The following MAP4K2 variants were observed in gnomAD, a reference collection of about 807,000 sequenced individuals.
MAP4K2 encodes the protein B lymphocyte serine/threonine protein kinase.
A neutral mutation model predicts 125.3 loss-of-function variants in MAP4K2; 85 were observed. The ratio of observed to expected loss-of-function variants is 0.68; its 90% CI spans 0.57 to 0.81. The LOEUF is 0.81. MAP4K2 is among the 40% of genes least tolerant of loss of function. The probability of loss-of-function intolerance (pLI) is 0.00; values close to 1 mark genes in which losing one functional copy is unlikely to be tolerated. For synonymous variants in MAP4K2, 479 were observed against 445.1 expected (o/e 1.08, Z -0.96); for missense variants, 923 against 1,056.4 (o/e 0.87, Z 1.75).
chr11:64,797,689 G>A, intron 15 of MAP4K2, 25 bp from the exon 16 acceptor site: 2 of 1,447,342 alleles, frequency 1.4e-6, no homozygotes, highest in Non-Finnish European at 1.8e-6. Context: ...AAAGGGGTCA[G>A]AGGTCAACCT....
In MAP4K2 at chr11:64,803,144, C is replaced by A. The variant is rs752987120; in HGVS notation, c.6G>T (p.Ala2=). 3.0e-5 allele frequency: 44 copies of A among 1,464,368 alleles called. No individual in the cohort carries two copies. The Admixed American group carries it at 5.1e-4, about 17-fold the overall frequency. The allele number at this position is 1,464,368 out of a possible 1,614,324, so 90.7% of individuals were successfully genotyped here. The change falls in exon 1 of 32, where the codon GCG becomes GCT. Residue 2 remains alanine (A), a synonymous_variant. Transcript: ENST00000294066. M[A]LLRDVSLQDP... ...CCTGCAGCGACACATCCCGCAGCAG[C>A]GCCATGGCCCGGCGCCGGGCGGGCC...
At position 64,789,354 on chromosome 11, in the gene MAP4K2, A is replaced by T; in HGVS notation, c.*183T>A. ...CAGCTCCCCCTGGTCCAGTTATTGCAGAGGCGTCGGGGGCTCCCCTCCCTC... is the reference window on the plus strand; with the variant it reads ...CAGCTCCCCCTGGTCCAGTTATTGCTGAGGCGTCGGGGGCTCCCCTCCCTC... On this transcript the variant is annotated 3_prime_UTR_variant, in exon 32 of 32. Transcript: ENST00000294066. The T allele has an allele frequency of 1.7e-6, 1 of 601,372 alleles. No individual in the cohort carries two copies. The highest frequency in any genetic ancestry group is 1.9e-5 in the African/African-American group (1 of 53,838). 37.3% of individuals were successfully genotyped at this position (601,372 alleles called of 1,614,324 possible). A position where few individuals can be genotyped will look rare whatever the true frequency, so the allele number is the denominator to read the frequency against.
rs368626315 is a variant in MAP4K2, at chr11:64,801,745, G to C, written c.379C>G (p.Leu127Val). The C allele has an allele frequency of 2.5e-6, 4 of 1,613,426 alleles. No homozygotes were observed. The highest frequency in any genetic ancestry group is 8.5e-7 in the Non-Finnish European group (1 of 1,179,896). Residue 127 changes from leucine (L) to valine (V), a missense_variant, in exon 6 of 32, where the codon CTG becomes GTG. Physicochemically the swap from Leu to Val is conservative, Grantham distance 32. Transcript: ENST00000294066. ...CREALKGLHH[L>V]HSQGKIHRDI... ...CTGTGGATCTTCCCCTGAGAATGCA[G>C]GTGGTGGAGCCCCTGGCGACAAAGA...
At chr11:64,792,505 T>C (rs910196382) in intron 24 of MAP4K2, 83 bp from the exon 25 acceptor site, 1 of 1,113,242 alleles carries the variant, frequency 9.0e-7, no homozygotes, top group African/African-American at 1.6e-5. Context: ...GTGGGCACTA[T>C]CAGCTTCCCT....
chr11:64,786,625 C>T lies in MAP4K2; in HGVS notation c.*2912G>A, dbSNP rs533119422. The T allele has an allele frequency of 6.6e-6, 1 of 152,298 alleles. No individual in the cohort carries two copies. Among genetic ancestry groups the T allele is most frequent in the Non-Finnish European group, 1.5e-5 (1 of 68,032 alleles). The allele number at this position is 152,298 out of a possible 1,614,324, so 9.4% of individuals were successfully genotyped here. A position where few individuals can be genotyped will look rare whatever the true frequency, so the allele number is the denominator to read the frequency against. On this transcript the variant is annotated 3_prime_UTR_variant, in exon 32 of 32. Transcript: ENST00000294066. Reference sequence around the variant, plus strand: ...AATGACTTAAAGAGTCTGGTCTGACCCTCCCACAGGTTTCTGCCCATGGAG... The same window carrying T: ...AATGACTTAAAGAGTCTGGTCTGACTCTCCCACAGGTTTCTGCCCATGGAG...
In MAP4K2 at chr11:64,797,043, T is replaced by A. The variant is rs1940850663; in HGVS notation, c.1366-20A>T. ...TGACCTCTGGGAGGGAGGAAAGGAG[T>A]CAGGGCTGATATGACAGCTGTAGCC... On this transcript the variant is annotated intron_variant, in intron 19 of 31. Coordinates refer to ENST00000294066, the MANE Select transcript of MAP4K2 (RefSeq NM_004579.5). 1.9e-6 allele frequency: 3 copies of A among 1,613,308 alleles called. No individual in the cohort carries two copies. Among genetic ancestry groups the A allele is most frequent in the Non-Finnish European group, 2.5e-6 (3 of 1,179,766 alleles).
intron 17 of MAP4K2, 22 bp downstream of exon 17, chr11:64,797,479 C>G: frequency 6.4e-7 from 1 of 1,560,524 alleles, no homozygotes; most frequent in Non-Finnish European, 8.7e-7. Flanking sequence ...GATCCCAGCT[C>G]CAGCCTCCCT....
At position 64,789,936 on chromosome 11, in the gene MAP4K2, C is replaced by T; in HGVS notation, c.2272G>A (p.Ala758Thr). The T allele has an allele frequency of 1.9e-6, 3 of 1,613,694 alleles. No individual in the cohort carries two copies. Among genetic ancestry groups the T allele is most frequent in the Non-Finnish European group, 1.7e-6 (2 of 1,179,956 alleles). ...CCTTGCATCCCATGGCTCCAGAAGG[C>T]CAGCACACTGTCCTGCAGGCACACT... ...TVVCLQDSVL[A>T]FWSHGMQGRS... Residue 758 changes from alanine to threonine, a missense_variant, in exon 30 of 32, where the codon GCC becomes ACC. Ala to Thr is a moderately conservative substitution (Grantham distance 58). Coordinates refer to ENST00000294066, the MANE Select transcript of MAP4K2 (RefSeq NM_004579.5).
At chr11:64,798,997 A>G (rs1160334762) in intron 14 of MAP4K2, among the ~76,000 whole-genome samples, 160 bp from the exon 15 acceptor site, 1 of 152,224 alleles carries the variant, frequency 6.6e-6, no homozygotes, top group Non-Finnish European at 1.5e-5. Flanking sequence ...TGGGAGGCAG[A>G]GCTGAAGACT....
Position 64,800,136 on chromosome 11 carries a change from G to A in MAP4K2, c.888C>T (p.Thr296=). 2 of 1,611,386 alleles carry A rather than the reference G, an allele frequency of 1.2e-6. No homozygotes were observed. Among genetic ancestry groups the A allele is most frequent in the Non-Finnish European group, 1.7e-6 (2 of 1,179,100 alleles). Reference sequence around the variant, plus strand: ...CCAGCTCACAGTCCTCAGGGGAGGGGGTCCCCAGATGAGGGTCACTGGCTT... The same window carrying A: ...CCAGCTCACAGTCCTCAGGGGAGGGAGTCCCCAGATGAGGGTCACTGGCTT... ...LDKASDPHLG[T]PSPEDCELET... is the part of the protein sequence containing the mutation. The change falls in exon 12 of 32, where the codon ACC becomes ACT. Residue 296 remains threonine, a synonymous_variant. Transcript: ENST00000294066.
At chr11:64,797,722 T>G in intron 15 of MAP4K2, 58 bp from the exon 16 acceptor site, 1 of 1,400,520 alleles carries the variant, frequency 7.1e-7, no homozygotes, top group Non-Finnish European at 9.4e-7. Context: ...TTTTTTTTTT[T>G]TGAGACGGAG....
chr11:64,790,046 C>T, intron 29 of MAP4K2, 87 bp from the exon 30 acceptor site: 1 of 1,548,344 alleles, frequency 6.5e-7, no homozygotes, highest in Non-Finnish European at 8.9e-7. Flanking sequence ...CACAGGGGTC[C>T]TCACTGACCT....
chr11:64,797,457 T>C (rs1262851773), intron 17 of MAP4K2, 44 bp downstream of exon 17: 2 of 1,558,002 alleles, frequency 1.3e-6, no homozygotes, highest in African/African-American at 1.4e-5. Context: ...TCGTACCCTC[T>C]GCAGTGGCCT....
intron 24 of MAP4K2, among the ~76,000 whole-genome samples, chr11:64,795,750 T>C (rs1940757987): frequency 6.6e-6 from 1 of 152,134 alleles, no homozygotes; most frequent in Non-Finnish European, 1.5e-5. Context: ...TTCAGGCTGA[T>C]TTCAAACACA....
chr11:64,791,443 G>A (rs1015775401), intron 27 of MAP4K2, among the ~76,000 whole-genome samples: 1 of 152,156 alleles, frequency 6.6e-6, no homozygotes, highest in Non-Finnish European at 1.5e-5. Context: ...GTGCAGTGGC[G>A]CGAACATGGC....
intron 24 of MAP4K2, 76 bp downstream of exon 24, chr11:64,796,197 A>G: frequency 7.6e-7 from 1 of 1,311,842 alleles, no homozygotes; most frequent in Non-Finnish European, 1.0e-6. Flanking sequence ...CTGCAATCCC[A>G]GGAACTGGCA....
At chr11:64,798,542 C>T (rs1464775449) in intron 15 of MAP4K2, among the ~76,000 whole-genome samples, 1 of 152,164 alleles carries the variant, frequency 6.6e-6, no homozygotes, top group African/African-American at 2.4e-5. Flanking sequence ...TCAGGTGATC[C>T]ACCCACCTTA....
chr11:64,799,006 CTG>C (rs1940997990), intron 14 of MAP4K2, among the ~76,000 whole-genome samples, 169 bp from the exon 15 acceptor site: 1 of 152,120 alleles, frequency 6.6e-6, no homozygotes, highest in African/African-American at 2.4e-5. Flanking sequence ...GAGCTGAAGA[CTG>C]TGAAAGAAAG....
chr11:64,791,085 G>A (rs1002459844), intron 27 of MAP4K2, among the ~76,000 whole-genome samples: 7 of 152,202 alleles, frequency 4.6e-5, no homozygotes, highest in Non-Finnish European at 1.0e-4. Flanking sequence ...GCAGTGAGCC[G>A]AGATCGTGCC....
Sources: gnomAD v4.1 joint callset for allele counts (sites outside exome capture counted in the v4.1 genomes callset) on GRCh38, gnomAD v4.1.1 for gene constraint, MANE v1.5 for transcripts, NCBI Gene and HGNC (gene_info 2026-07-23, HGNC 2026-07-21) for gene names.